Variants in ZMAT4 observed in about 807,000 individuals in gnomAD.
The protein encoded by ZMAT4 is zinc finger matrin-type protein 4.
Under a neutral mutation model 28.7 loss-of-function variants are expected in ZMAT4, and 17 were observed. The observed-to-expected ratio is 0.59, with a 90% CI of 0.41 to 0.89. The LOEUF (loss-of-function observed/expected upper bound fraction) is 0.89. Among genes scored for constraint, ZMAT4 ranks in the 40% least tolerant of loss-of-function variants. The probability of loss-of-function intolerance (pLI) is 0.00; values close to 1 mark genes in which losing one functional copy is unlikely to be tolerated. For missense variants in ZMAT4, 240 were observed against 283.8 expected (o/e 0.85, Z 1.11); for synonymous variants, 117 against 109.2 (o/e 1.07, Z -0.44).
chr8:40,812,711 A>T (rs1375207341), intron 2 of ZMAT4, among the ~76,000 whole-genome samples: 1 of 152,120 alleles, frequency 6.6e-6, no homozygotes, highest in Non-Finnish European at 1.5e-5. Flanking sequence ...CGGGCGGATC[A>T]CCTGAGGTCA....
chr8:40,777,118 T>G (rs1438130938), intron 2 of ZMAT4, among the ~76,000 whole-genome samples: 4 of 152,126 alleles, frequency 2.6e-5, no homozygotes, highest in Admixed American at 2.6e-4. Context: ...GTGTACAACT[T>G]TCACAAAATA....
chr8:40,842,540 C>T (rs1450477448), intron 1 of ZMAT4, among the ~76,000 whole-genome samples: 2 of 152,282 alleles, frequency 1.3e-5, no homozygotes, highest in Middle Eastern at 3.4e-3. Flanking sequence ...GCAGTCCACC[C>T]AGCCTTGCAC....
intron 1 of ZMAT4, among the ~76,000 whole-genome samples, chr8:40,861,340 A>C (rs1400005753): frequency 1.3e-5 from 2 of 152,250 alleles, no homozygotes; most frequent in African/African-American, 4.8e-5. Flanking sequence ...TCCCTGTTCA[A>C]TAAATGGTGC....
chr8:40,740,958 A>C (rs1811976076), intron 3 of ZMAT4, among the ~76,000 whole-genome samples: 1 of 151,740 alleles, frequency 6.6e-6, no homozygotes, highest in Non-Finnish European at 1.5e-5. Flanking sequence ...TTTAGCAAAA[A>C]TTCATTTGAA....
chr8:40,789,555 A>G (rs1373700669), intron 2 of ZMAT4, among the ~76,000 whole-genome samples: 1 of 152,204 alleles, frequency 6.6e-6, no homozygotes, highest in African/African-American at 2.4e-5. Context: ...TAACTAGGAG[A>G]GTATAATTGG....
At chr8:40,716,825 A>C (rs9298600) in intron 3 of ZMAT4, among the ~76,000 whole-genome samples, 90,413 of 151,472 alleles carry the variant, frequency 0.6, 27,489 homozygotes, top group African/African-American at 0.71. Context: ...GATATCAACA[A>C]AGACCTAGGC....
intron 3 of ZMAT4, among the ~76,000 whole-genome samples, chr8:40,747,002 G>A (rs1215768062): frequency 6.6e-6 from 1 of 152,108 alleles, no homozygotes; most frequent in Non-Finnish European, 1.5e-5. Flanking sequence ...CTCTCCCAGG[G>A]ACCGTGACCC....
intron 6 of ZMAT4, among the ~76,000 whole-genome samples, chr8:40,564,050 T>C (rs1803836365): frequency 6.6e-6 from 1 of 152,118 alleles, no homozygotes; most frequent in African/African-American, 2.4e-5. Flanking sequence ...CCACCAGCCT[T>C]TTCTGAATAA....
chr8:40,847,703 G>A lies in ZMAT4; in HGVS notation c.-4-22023C>T, dbSNP rs885326. ...GAACTCCTTCCCCCCTAAATTTCAC[G>A]TTCCCTATAATTGGGCTGTGAGGGA... On this transcript the variant is annotated intron_variant, in intron 1 of 6. Coordinates refer to ENST00000297737, the MANE Select transcript of ZMAT4 (RefSeq NM_024645.3). Among the ~76,000 whole-genome samples the A allele has an allele frequency of 8.4e-3, 1,280 of 152,194 alleles. 16 individuals are homozygous for A. Among genetic ancestry groups the A allele is most frequent in the African/African-American group, 0.03 (1,226 of 41,530 alleles).
chr8:40,651,266 A>C (rs1442930862), intron 5 of ZMAT4, among the ~76,000 whole-genome samples: 1 of 152,170 alleles, frequency 6.6e-6, no homozygotes, highest in African/African-American at 2.4e-5. Flanking sequence ...AATCACAAGC[A>C]TTCTTATACA....
At chr8:40,596,235 G>T (rs1805098739) in intron 5 of ZMAT4, among the ~76,000 whole-genome samples, 1 of 152,190 alleles carries the variant, frequency 6.6e-6, no homozygotes, top group African/African-American at 2.4e-5. Context: ...TGAATGGGAA[G>T]GCCTAGAACA....
intron 5 of ZMAT4, 151 bp downstream of exon 5, chr8:40,674,553 G>A: frequency 1.6e-6 from 1 of 622,974 alleles, no homozygotes. Context: ...CAAGCCTTCT[G>A]CTCATTTCCT....
chr8:40,740,979 C>T (rs920439217), intron 3 of ZMAT4, among the ~76,000 whole-genome samples: 4 of 140,908 alleles, frequency 2.8e-5, no homozygotes, highest in Non-Finnish European at 4.6e-5. Context: ...CAGCACTAAC[C>T]TTTGATAAAT....
intron 3 of ZMAT4, among the ~76,000 whole-genome samples, chr8:40,723,016 A>G (rs558345323): frequency 3.9e-5 from 6 of 152,292 alleles, no homozygotes; most frequent in Non-Finnish European, 5.9e-5. Context: ...CTGGAATTGC[A>G]TCTTCACTTG....
At chr8:40,592,386 G>A (rs952125160) in intron 5 of ZMAT4, among the ~76,000 whole-genome samples, 10 of 152,140 alleles carry the variant, frequency 6.6e-5, no homozygotes, top group Non-Finnish European at 1.2e-4. Flanking sequence ...CCATACTACC[G>A]TCATTCCAAA....
At chr8:40,557,013 A>T (rs1033279621) in intron 6 of ZMAT4, among the ~76,000 whole-genome samples, 1 of 152,144 alleles carries the variant, frequency 6.6e-6, no homozygotes, top group African/African-American at 2.4e-5. Flanking sequence ...TCAGACACTG[A>T]TACCTATCAT....
intron 3 of ZMAT4, among the ~76,000 whole-genome samples, chr8:40,728,677 T>C (rs1210880990): frequency 4.6e-5 from 7 of 152,194 alleles, no homozygotes; most frequent in Admixed American, 4.6e-4. Flanking sequence ...GGAAGGCACA[T>C]CTGGTTTCAT....
chr8:40,881,327 T>A (rs1424794278), intron 1 of ZMAT4, among the ~76,000 whole-genome samples: 2 of 150,640 alleles, frequency 1.3e-5, no homozygotes, highest in East Asian at 2.0e-4. Context: ...AGGTAGAGGT[T>A]TCAGTGAGCT....
chr8:40,692,250 C>T (rs1371084265), intron 4 of ZMAT4, among the ~76,000 whole-genome samples: 1 of 152,124 alleles, frequency 6.6e-6, no homozygotes, highest in Non-Finnish European at 1.5e-5. Context: ...ACACATAACC[C>T]TAGGGCCACT....
Sources: allele counts gnomAD v4.1 joint callset (sites outside exome capture counted in the v4.1 genomes callset), GRCh38; gene constraint gnomAD v4.1.1; transcripts MANE v1.5; gene names NCBI Gene and HGNC (gene_info 2026-07-23, HGNC 2026-07-21).